Variants in KCND3 observed in about 807,000 individuals in gnomAD.
KCND3 encodes A-type voltage-gated potassium channel KCND3.
In KCND3, 9 loss-of-function variants were observed where a neutral mutation model predicts 51.1. The observed-to-expected ratio is 0.18, with a 90% CI of 0.11 to 0.31. The LOEUF is 0.31. Ranked by LOEUF, KCND3 falls within the 10% of genes least tolerant of loss-of-function variation. The pLI is 1.00. For synonymous variants in KCND3, 349 were observed against 368.0 expected (o/e 0.95, Z 0.59); for missense variants, 526 against 903.8 (o/e 0.58, Z 5.36).
chr1:111,881,953 C>T (rs924041375), intron 2 of KCND3, among the ~76,000 whole-genome samples: 1 of 152,150 alleles, frequency 6.6e-6, no homozygotes, highest in Non-Finnish European at 1.5e-5. Context: ...TCTGAGGGGG[C>T]CCCTGTTAAT....
intron 2 of KCND3, among the ~76,000 whole-genome samples, chr1:111,850,169 A>C (rs1458568491): frequency 6.6e-6 from 1 of 152,180 alleles, no homozygotes; most frequent in Non-Finnish European, 1.5e-5. Context: ...ATCCCTGCCC[A>C]AAAATGTCAT....
intron 3 of KCND3, among the ~76,000 whole-genome samples, chr1:111,785,659 T>C (rs1664571082): frequency 6.6e-6 from 1 of 152,204 alleles, no homozygotes; most frequent in Non-Finnish European, 1.5e-5. Flanking sequence ...ATAATTATTA[T>C]ACATTTTGGA....
intron 2 of KCND3, among the ~76,000 whole-genome samples, chr1:111,815,220 G>A (rs946014108): frequency 2.6e-5 from 4 of 152,160 alleles, no homozygotes; most frequent in Admixed American, 2.6e-4. Context: ...TCGGAGGGCT[G>A]AGACCAATCC....
intron 2 of KCND3, among the ~76,000 whole-genome samples, chr1:111,873,635 T>C (rs577493512): frequency 2.6e-5 from 4 of 152,198 alleles, no homozygotes; most frequent in African/African-American, 9.6e-5. Context: ...AGGGCCCCGA[T>C]CAGGCATTGG....
chr1:111,975,168 C>T (rs1557761314), intron 2 of KCND3, among the ~76,000 whole-genome samples: 1 of 152,182 alleles, frequency 6.6e-6, no homozygotes, highest in Non-Finnish European at 1.5e-5. Context: ...AAGGAAAGTT[C>T]CACCCAGATA....
chr1:111,954,541 T>A (rs1673227606), intron 2 of KCND3, among the ~76,000 whole-genome samples: 1 of 152,254 alleles, frequency 6.6e-6, no homozygotes, highest in Non-Finnish European at 1.5e-5. Context: ...CAGTGGGAGC[T>A]GAAAGTGAAG....
At chr1:111,964,216 C>A (rs887775406) in intron 2 of KCND3, among the ~76,000 whole-genome samples, 22 of 152,200 alleles carry the variant, frequency 1.4e-4, no homozygotes, top group Non-Finnish European at 2.6e-4. Context: ...TGACTGTCTG[C>A]CCTGGCTTGA....
At position 111,775,847 on chromosome 1, in the gene KCND3, G is replaced by A. The variant is rs1203928300; in HGVS notation, c.*230C>T. 1 of 161,424 alleles carries A rather than the reference G, an allele frequency of 6.2e-6. No individual in the cohort carries two copies. Among genetic ancestry groups the A allele is most frequent in the Non-Finnish European group, 1.2e-5 (1 of 83,554 alleles). 10.0% of individuals were successfully genotyped at this position (161,424 alleles called of 1,614,324 possible). On this transcript the variant is annotated 3_prime_UTR_variant, in exon 8 of 8. Transcript: ENST00000302127. ...CCCCCACCCTCCCTCCCTTCCTCTG[G>A]CCCCAGTGAGATGCAGTATCACAGG...
chr1:111,797,824 T>C (rs74112133), intron 2 of KCND3, among the ~76,000 whole-genome samples: 1 of 147,554 alleles, frequency 6.8e-6, no homozygotes, highest in African/African-American at 2.4e-5. Flanking sequence ...AACTTCTTCC[T>C]GAAATCAGCA....
chr1:111,792,099 G>A (rs1664856115), intron 2 of KCND3, among the ~76,000 whole-genome samples: 1 of 152,216 alleles, frequency 6.6e-6, no homozygotes, highest in South Asian at 2.1e-4. Context: ...GAGAAGGGAG[G>A]CTGGGATGGT....
chr1:111,895,384 C>A (rs1200022507), intron 2 of KCND3, among the ~76,000 whole-genome samples: 1 of 151,740 alleles, frequency 6.6e-6, no homozygotes, highest in Non-Finnish European at 1.5e-5. Flanking sequence ...AAGTGCACAC[C>A]AAATGGGGAG....
At chr1:111,890,713 G>A (rs1362451024) in intron 2 of KCND3, among the ~76,000 whole-genome samples, 1 of 152,192 alleles carries the variant, frequency 6.6e-6, no homozygotes, top group Non-Finnish European at 1.5e-5. Context: ...TGCCCAGGAA[G>A]GAGAAGAGAA....
intron 2 of KCND3, among the ~76,000 whole-genome samples, chr1:111,840,670 C>T (rs896012285): frequency 6.6e-5 from 10 of 152,120 alleles, no homozygotes; most frequent in Non-Finnish European, 1.5e-5. Flanking sequence ...TTATAATCTC[C>T]CTGTCCCACC....
At chr1:111,871,694 T>C (rs186843688) in intron 2 of KCND3, among the ~76,000 whole-genome samples, 2 of 152,272 alleles carry the variant, frequency 1.3e-5, no homozygotes, top group East Asian at 3.9e-4. Context: ...AGATGAAGCT[T>C]TGAAATTGGA....
chr1:111,937,585 T>C (rs537391634), intron 2 of KCND3, among the ~76,000 whole-genome samples: 7 of 152,224 alleles, frequency 4.6e-5, no homozygotes, highest in Admixed American at 1.3e-4. Context: ...AGAACGCTTC[T>C]GGCTCATTGT....
intron 2 of KCND3, among the ~76,000 whole-genome samples, chr1:111,966,613 G>C (rs1674004054): frequency 6.6e-6 from 1 of 152,158 alleles, no homozygotes; most frequent in African/African-American, 2.4e-5. Flanking sequence ...CTGGGCCTGG[G>C]TCACCCTAAG....
In KCND3 at chr1:111,787,111, G is replaced by T. The variant is rs1306796909; in HGVS notation, c.1107-5C>A. ...TTAGGCACCATGTCTCCGTATCTGAGAGAGGGAGAGAAACAGGGTGTAAGG... is the reference window on the plus strand; with the variant it reads ...TTAGGCACCATGTCTCCGTATCTGATAGAGGGAGAGAAACAGGGTGTAAGG... On this transcript the variant is annotated splice_polypyrimidine_tract_variant and splice_region_variant and intron_variant, in intron 2 of 7. Transcript: ENST00000302127. The T allele has an allele frequency of 6.2e-7, 1 of 1,614,144 alleles. No homozygotes were observed. Among genetic ancestry groups the T allele is most frequent in the African/African-American group, 1.3e-5 (1 of 75,034 alleles).
chr1:111,963,963 C>T (rs149075200), intron 2 of KCND3, among the ~76,000 whole-genome samples: 32 of 152,340 alleles, frequency 2.1e-4, no homozygotes, highest in African/African-American at 7.7e-4. Flanking sequence ...TCTCAGGATT[C>T]AGAGGGAATT....
chr1:111,860,961 C>T (rs998527318), intron 2 of KCND3, among the ~76,000 whole-genome samples: 5 of 152,166 alleles, frequency 3.3e-5, no homozygotes, highest in Non-Finnish European at 5.9e-5. Flanking sequence ...CCTGTGTGTC[C>T]CAAGGGAAGT....
Sources: gnomAD v4.1 joint callset for allele counts (sites outside exome capture counted in the v4.1 genomes callset) on GRCh38, gnomAD v4.1.1 for gene constraint, MANE v1.5 for transcripts, NCBI Gene and HGNC (gene_info 2026-07-23, HGNC 2026-07-21) for gene names.